The following ALOX5AP variants were observed in gnomAD, a reference collection of about 807,000 sequenced individuals.
ALOX5AP encodes arachidonate 5-lipoxygenase activating protein.
Under a neutral mutation model 18.5 loss-of-function variants are expected in ALOX5AP, and 9 were observed. The observed-to-expected ratio is 0.49, with a 90% CI of 0.29 to 0.85. ALOX5AP has a LOEUF of 0.85. Ranked by LOEUF, ALOX5AP falls within the 40% of genes least tolerant of loss-of-function variation. ALOX5AP has a pLI of 0.08. For missense variants in ALOX5AP, 172 were observed against 202.5 expected (o/e 0.85, Z 0.91); for synonymous variants, 81 against 78.6 (o/e 1.03, Z -0.16).
chr13:30,744,008 G>A, intron 1 of ALOX5AP, 52 bp from the exon 2 acceptor site: 1 of 1,480,878 alleles, frequency 6.8e-7, no homozygotes, highest in Non-Finnish European at 9.4e-7. Context: ...GGAAGTAACA[G>A]GCTCCTGAAC....
At chr13:30,724,459 A>AACTTAGGCCTTAAGACACAACTCTGCC (rs950239680) in intron 1 of ALOX5AP, among the ~76,000 whole-genome samples, 12 of 152,304 alleles carry the variant, frequency 7.9e-5, no homozygotes, top group East Asian at 7.7e-4. Context: ...GCTGCTGGGC[A>AACTTAGGCCTTAAGACACAACTCTGCC]ACTTAGGCCT....
At chr13:30,729,087 T>C (rs1333219729) in intron 1 of ALOX5AP, among the ~76,000 whole-genome samples, 1 of 152,246 alleles carries the variant, frequency 6.6e-6, no homozygotes, top group Non-Finnish European at 1.5e-5. Context: ...GTATATCTTC[T>C]TTAGCAAAAT....
At chr13:30,743,883 G>A (rs4360791) in intron 1 of ALOX5AP, among the ~76,000 whole-genome samples, 177 bp from the exon 2 acceptor site, 75,746 of 151,924 alleles carry the variant, frequency 0.5, 19,170 homozygotes, top group East Asian at 0.63. Context: ...ACCAAACACA[G>A]TGTTCAGTAG....
chr13:30,732,612 C>A (rs1271915658), upstream of ALOX5AP, among the ~76,000 whole-genome samples: 1 of 152,136 alleles, frequency 6.6e-6, no homozygotes, highest in Non-Finnish European at 1.5e-5. Flanking sequence ...AGAATGGACA[C>A]CCGGGCAGCC....
upstream of ALOX5AP, among the ~76,000 whole-genome samples, chr13:30,733,940 G>T (rs1241585141): frequency 6.6e-6 from 1 of 152,028 alleles, no homozygotes; most frequent in East Asian, 1.9e-4. Context: ...GATTCAGACT[G>T]GGTCTTGCAC....
upstream of ALOX5AP, among the ~76,000 whole-genome samples, chr13:30,732,973 G>A (rs920104559): frequency 5.9e-5 from 9 of 152,008 alleles, no homozygotes; most frequent in African/African-American, 1.9e-4. Flanking sequence ...GGCTAACACG[G>A]TGAAACCCCC....
rs150288674 is a variant in ALOX5AP, at chr13:30,720,363, T to C, written c.116+6522T>C. Among the ~76,000 whole-genome samples the C allele has an allele frequency of 8.4e-4, 128 of 152,362 alleles. 1 individual carries two copies. The highest frequency in any genetic ancestry group is 3.0e-3 in the African/African-American group (123 of 41,590). On this transcript the variant is annotated intron_variant, in intron 1 of 5. Transcript: ENST00000617770. ...CTCAGGATGTGTGAGAACATCTGTT[T>C]TTCTTCTAATGCAGTAAACATATAA... is the stretch of plus-strand genomic sequence containing the variant.
In ALOX5AP at chr13:30,739,201, T is replaced by C. The variant is rs902985339; in HGVS notation, c.70+3526T>C. On this transcript the variant is annotated intron_variant, in intron 1 of 4. Coordinates refer to ENST00000380490, the MANE Select transcript of ALOX5AP (RefSeq NM_001629.4). ...GCATGGATTGAAAGCTTGCGTTGTGTGAAGAATGGCGCTTCCTGCTGTGCT... is the reference window on the plus strand; with the variant it reads ...GCATGGATTGAAAGCTTGCGTTGTGCGAAGAATGGCGCTTCCTGCTGTGCT... Among the ~76,000 whole-genome samples the C allele has an allele frequency of 2.0e-5, 3 of 152,174 alleles. 1 individual carries two copies. The highest frequency in any genetic ancestry group is 4.1e-4 in the South Asian group (2 of 4,832).
intron 4 of ALOX5AP, among the ~76,000 whole-genome samples, chr13:30,761,642 T>C (rs1951942475): frequency 6.6e-6 from 1 of 152,208 alleles, no homozygotes; most frequent in Admixed American, 6.5e-5. Context: ...GAATTTATTC[T>C]CTCACAGTCC....
chr13:30,739,312 G>A lies in ALOX5AP; in HGVS notation c.70+3637G>A, dbSNP rs961375452. 5.9e-5 allele frequency among the ~76,000 whole-genome samples: 9 copies of A among 152,336 alleles called. No individual in the cohort carries two copies. The East Asian group carries it at 1.7e-3, about 29-fold the overall frequency. ...TGCCTTTGCAGAGACTGGAGGGGCC[G>A]CTGTAGGCTGACCTTTCCTTCACTG... On this transcript the variant is annotated intron_variant, in intron 1 of 4. Transcript: ENST00000380490.
chr13:30,722,211 C>A (rs938969353), intron 1 of ALOX5AP, among the ~76,000 whole-genome samples: 1 of 152,132 alleles, frequency 6.6e-6, no homozygotes, highest in Non-Finnish European at 1.5e-5. Context: ...TCCTAAAATG[C>A]GGTGCAGATG....
At chr13:30,723,579 T>C (rs572443321) in intron 1 of ALOX5AP, among the ~76,000 whole-genome samples, 132 of 152,332 alleles carry the variant, frequency 8.7e-4, no homozygotes, top group African/African-American at 3.1e-3. Flanking sequence ...TTTTCCACCA[T>C]TCAATATTTC....
chr13:30,761,903 C>T (rs149485385), intron 4 of ALOX5AP, among the ~76,000 whole-genome samples: 104 of 152,310 alleles, frequency 6.8e-4, no homozygotes, highest in African/African-American at 2.4e-3. Flanking sequence ...TTCTGAGGAA[C>T]TGAGAGTAAA....
chr13:30,732,791 A>G (rs150476400), upstream of ALOX5AP, among the ~76,000 whole-genome samples: 130 of 152,152 alleles, frequency 8.5e-4, no homozygotes, highest in African/African-American at 3.1e-3. Flanking sequence ...GAGCGAGAGG[A>G]GAGATTGGAA....
intron 1 of ALOX5AP, among the ~76,000 whole-genome samples, chr13:30,728,341 A>G (rs1049612511): frequency 6.6e-5 from 10 of 152,218 alleles, no homozygotes; most frequent in African/African-American, 2.4e-4. Flanking sequence ...TAAGCCACTC[A>G]GTTTGTGCTA....
chr13:30,731,469 G>A (rs1298990430), upstream of ALOX5AP, among the ~76,000 whole-genome samples: 1 of 151,400 alleles, frequency 6.6e-6, no homozygotes, highest in African/African-American at 2.4e-5. Context: ...CATCTCTACA[G>A]CCTCAAGCGA....
intron 1 of ALOX5AP, among the ~76,000 whole-genome samples, chr13:30,725,550 C>T (rs1017915144): frequency 2.0e-5 from 3 of 152,214 alleles, no homozygotes; most frequent in South Asian, 2.1e-4. Context: ...TAGAAATCTA[C>T]GCCAATATGG....
chr13:30,739,211 C>T lies in ALOX5AP; in HGVS notation c.70+3536C>T, dbSNP rs75233825. ...AAAGCTTGCGTTGTGTGAAGAATGG[C>T]GCTTCCTGCTGTGCTTAGTTTTATC... On this transcript the variant is annotated intron_variant, in intron 1 of 4. Coordinates refer to ENST00000380490, the MANE Select transcript of ALOX5AP (RefSeq NM_001629.4). Among the ~76,000 whole-genome samples, 22 of 152,280 alleles carry T rather than the reference C, an allele frequency of 1.4e-4. No individual in the cohort carries two copies. In the East Asian group the frequency reaches 1.5e-3, roughly 11 times the overall value.
At chr13:30,734,237 T>C (rs1951703292), upstream of ALOX5AP, among the ~76,000 whole-genome samples, 1 of 152,196 alleles carries the variant, frequency 6.6e-6, no homozygotes, top group Non-Finnish European at 1.5e-5. Context: ...CAGCCCTGGC[T>C]GCTGGCTTCC....
Sources: gnomAD v4.1 joint callset for allele counts (sites outside exome capture counted in the v4.1 genomes callset) on GRCh38, gnomAD v4.1.1 for gene constraint, MANE v1.5 for transcripts, NCBI Gene and HGNC (gene_info 2026-07-23, HGNC 2026-07-21) for gene names.